The following GABRQ variants were observed in gnomAD, a reference collection of about 807,000 sequenced individuals.
GABRQ encodes gamma-aminobutyric acid type A receptor subunit theta.
Under a neutral mutation model 30.5 loss-of-function variants are expected in GABRQ, and 19 were observed. The ratio of observed to expected loss-of-function variants is 0.62; its 90% CI spans 0.43 to 0.91. GABRQ has a LOEUF of 0.91. GABRQ is among the 40% of genes least tolerant of loss of function. The probability of loss-of-function intolerance (pLI) is 0.00; values close to 1 mark genes in which losing one functional copy is unlikely to be tolerated. For missense variants in GABRQ, 520 were observed against 521.4 expected, an observed-to-expected ratio of 1.00 and a Z score of 0.03; for synonymous variants, 187 against 210.2, an observed-to-expected ratio of 0.89 and a Z score of 0.95.
chrX:152,650,507 T>C lies in GABRQ; in HGVS notation c.828T>C (p.Thr276=). 1 of 1,200,000 alleles carries C rather than the reference T, an allele frequency of 8.3e-7. No homozygotes were observed. Among genetic ancestry groups the C allele is most frequent in the South Asian group, 1.8e-5 (1 of 56,619 alleles). ...ACCTTGTGCAAGTCTACTGGCCTACTGTCCTCACCACTATTACCTCTTGGA... is the reference window on the plus strand; with the variant it reads ...ACCTTGTGCAAGTCTACTGGCCTACCGTCCTCACCACTATTACCTCTTGGA... ...NSYLVQVYWP[T]VLTTITSWIS... is the part of the protein sequence containing the mutation. The change falls in exon 7 of 9, where the codon ACT becomes ACC. Residue 276 remains threonine (T), a synonymous_variant. Transcript: ENST00000598523.
chrX:152,640,181 G>A (rs1454936134), intron 1 of GABRQ, among the ~76,000 whole-genome samples, 197 bp from the exon 2 acceptor site: 1 of 109,332 alleles, frequency 9.1e-6, no homozygotes, highest in East Asian at 2.9e-4. Flanking sequence ...GGGGGGGGGA[G>A]GAAAGAGGAG....
intron 2 of GABRQ, 34 bp from the exon 3 acceptor site, chrX:152,645,493 A>C: frequency 4.5e-6 from 4 of 895,270 alleles, no homozygotes; most frequent in Non-Finnish European, 6.6e-6. Flanking sequence ...CCTTTATTCT[A>C]CCTTTCGTGT....
At position 152,654,144 on chromosome X, in the gene GABRQ, T is replaced by C. The variant is rs994139974; in HGVS notation, c.*863T>C. On this transcript the variant is annotated 3_prime_UTR_variant, in exon 9 of 9. Transcript: ENST00000598523. ...CAATACATCTGTCTAAGTCAGGAGT[T>C]AGCTTTCCGTCAGTTGCTGAGTTGA... 4 of 112,439 alleles carry C rather than the reference T, an allele frequency of 3.6e-5. No homozygotes were observed. The highest frequency in any genetic ancestry group is 7.5e-5 in the Non-Finnish European group (4 of 53,277). 9.3% of individuals were successfully genotyped at this position (112,439 alleles called of 1,213,427 possible).
At position 152,653,203 on chromosome X, in the gene GABRQ, C is replaced by A. The variant is rs782447858; in HGVS notation, c.1821C>A (p.Val607=). Residue 607 remains valine (V), a synonymous_variant, in exon 9 of 9, where the codon GTC becomes GTA. Coordinates refer to ENST00000598523, the MANE Select transcript of GABRQ (RefSeq NM_018558.4). ...DLFNPDYVPK[V]DKWSRFLFPL... is the part of the protein sequence containing the mutation. ...TTAATCCTGACTACGTCCCAAAGGT[C>A]GACAAGTGGTCCCGGTTCCTCTTCC... 36 of 1,205,172 alleles carry A rather than the reference C, an allele frequency of 3.0e-5. No homozygotes were observed. In the South Asian group the frequency reaches 6.2e-4, roughly 21 times the overall value.
intron 2 of GABRQ, among the ~76,000 whole-genome samples, chrX:152,643,373 A>T (rs183200594): frequency 8.9e-6 from 1 of 112,317 alleles, no homozygotes; most frequent in African/African-American, 3.2e-5. Flanking sequence ...TTGGGCTTGG[A>T]ATAACACATT....
chrX:152,643,117 G>A (rs782423385), intron 2 of GABRQ, among the ~76,000 whole-genome samples: 6 of 112,189 alleles, frequency 5.3e-5, no homozygotes, highest in Non-Finnish European at 1.1e-4. Flanking sequence ...GTAGCTGGCT[G>A]GCCCCTCTGG....
At position 152,656,415 on chromosome X, in the gene GABRQ, C is replaced by T. The variant is rs782255066; in HGVS notation, c.*3134C>T. 8 of 111,866 alleles carry T rather than the reference C, an allele frequency of 7.2e-5. No individual in the cohort carries two copies. Among genetic ancestry groups the T allele is most frequent in the African/African-American group, 2.0e-4 (6 of 30,704 alleles). 9.2% of individuals were successfully genotyped at this position (111,866 alleles called of 1,213,427 possible). ...TTTCTTTCCTTCCCATCGACTTCCC[C>T]GACCCAGGATCCCTTCTTTGCCACT... On this transcript the variant is annotated 3_prime_UTR_variant, in exon 9 of 9. Transcript: ENST00000598523.
intron 7 of GABRQ, 132 bp from the exon 8 acceptor site, chrX:152,651,394 A>C: frequency 2.0e-6 from 1 of 495,317 alleles, no homozygotes; most frequent in Non-Finnish European, 3.5e-6. Flanking sequence ...ATGGGGGAAA[A>C]GGAATAAAGA....
In GABRQ at chrX:152,650,318, T is replaced by C. The variant is rs1930988630; in HGVS notation, c.749-110T>C. The stretch of plus-strand genomic sequence containing the variant: ...AAGCTGGATGCCTCTGGATGGAGTA[T>C]TACAAGCTGAACTTCCCATTGCTCT... On this transcript the variant is annotated intron_variant, in intron 6 of 8. Transcript: ENST00000598523. 1.2e-5 allele frequency: 8 copies of C among 651,458 alleles called. No individual in the cohort carries two copies. The Admixed American group carries it at 2.2e-4, about 18-fold the overall frequency. 53.7% of individuals were successfully genotyped at this position (651,458 alleles called of 1,213,427 possible). A position where few individuals can be genotyped will look rare whatever the true frequency, so the allele number is the denominator to read the frequency against.
chrX:152,638,748 A>G (rs1556817834), intron 1 of GABRQ, among the ~76,000 whole-genome samples: 1 of 111,809 alleles, frequency 8.9e-6, no homozygotes, highest in African/African-American at 3.3e-5. Context: ...GATGACGGGC[A>G]ATTCACAAAA....
rs1171266941 is a variant in GABRQ, at chrX:152,637,926, G to A, written c.-277G>A. Among the ~76,000 whole-genome samples the A allele has an allele frequency of 8.8e-6, 1 of 113,429 alleles. No individual in the cohort carries two copies. Among genetic ancestry groups the A allele is most frequent in the Non-Finnish European group, 1.9e-5 (1 of 53,366 alleles). On this transcript the variant is annotated 5_prime_UTR_variant, in exon 1 of 9. Transcript: ENST00000598523. ...AGCCAGGAGCGGCCGCAGACGGAGC[G>A]CACCTCGCAGCTGCCGGGCGGGCCC...
intron 2 of GABRQ, among the ~76,000 whole-genome samples, chrX:152,644,267 CACAT>C (rs1930831926): frequency 1.8e-5 from 2 of 112,342 alleles, no homozygotes; most frequent in Admixed American, 1.9e-4. Flanking sequence ...CACATGCTCA[CACAT>C]ACACACATAA....
Position 152,652,848 on chromosome X carries a change from A to G in GABRQ, c.1466A>G (p.His489Arg). ...GAAATCCGCAACCGTGTCGAAGCCC[A>G]TGGCCATGGTGTTACCCATGACCAT... ...PTEIRNRVEAHGHGVTHDHED... is the reference protein window; with the variant it reads ...PTEIRNRVEARGHGVTHDHED... The change falls in exon 9 of 9, where the codon CAT becomes CGT. Residue 489 changes from histidine to arginine, a missense_variant. Transcript: ENST00000598523. The G allele has an allele frequency of 8.3e-7, 1 of 1,210,768 alleles. No homozygotes were observed. Among genetic ancestry groups the G allele is most frequent in the Non-Finnish European group, 1.1e-6 (1 of 894,199 alleles).
rs1466984927 is a variant in GABRQ, at chrX:152,656,055, G to A, written c.*2774G>A. The A allele has an allele frequency of 8.9e-6, 1 of 112,090 alleles. No homozygotes were observed. The highest frequency in any genetic ancestry group is 1.9e-5 in the Non-Finnish European group (1 of 53,219). The allele number at this position is 112,090 out of a possible 1,213,427, so 9.2% of individuals were successfully genotyped here. On this transcript the variant is annotated 3_prime_UTR_variant, in exon 9 of 9. Transcript: ENST00000598523. ...TACTCTGTAGGTTAAGTGTCAAAATGAGGTGGAGATTTGGCAGTGACACCC... is the reference window on the plus strand; with the variant it reads ...TACTCTGTAGGTTAAGTGTCAAAATAAGGTGGAGATTTGGCAGTGACACCC...
In GABRQ at chrX:152,653,158, A is replaced by C. The variant is rs782084953; in HGVS notation, c.1776A>C (p.Glu592Asp). ...CPPSPGCSFT[E>D]GFSFDLFNPD... is the part of the protein sequence containing the mutation. Reference sequence around the variant, plus strand: ...CAAGCCCTGGGTGCTCCTTCACTGAAGGGTTCTCCTTCGATCTCTTTAATC... The same window carrying C: ...CAAGCCCTGGGTGCTCCTTCACTGACGGGTTCTCCTTCGATCTCTTTAATC... The change falls in exon 9 of 9, where the codon GAA becomes GAC. Residue 592 changes from glutamate to aspartate, a missense_variant. By Grantham distance (45) the Glu-to-Asp change is conservative. Coordinates refer to ENST00000598523, the MANE Select transcript of GABRQ (RefSeq NM_018558.4). The C allele has an allele frequency of 8.3e-7, 1 of 1,209,560 alleles. No homozygotes were observed. Among genetic ancestry groups the C allele is most frequent in the Non-Finnish European group, 1.1e-6 (1 of 894,524 alleles).
At chrX:152,638,492 C>G (rs782271828) in intron 1 of GABRQ, 141 bp downstream of exon 1, 26 of 541,287 alleles carry the variant, frequency 4.8e-5, no homozygotes, top group Non-Finnish European at 5.9e-5. Flanking sequence ...CCCTGGCGCC[C>G]GGGCCCTGCC....
chrX:152,658,845 C>T (rs1202603785), downstream of GABRQ, among the ~76,000 whole-genome samples: 2 of 111,675 alleles, frequency 1.8e-5, no homozygotes, highest in African/African-American at 6.5e-5. Flanking sequence ...ATGGGCCAGG[C>T]CTCGAGAAAT....
chrX:152,639,371 C>G (rs948585256), intron 1 of GABRQ, among the ~76,000 whole-genome samples: 2 of 101,132 alleles, frequency 2.0e-5, no homozygotes, highest in Non-Finnish European at 4.0e-5. Flanking sequence ...TGCACACATG[C>G]GCGTGCGCAC....
At position 152,656,398 on chromosome X, in the gene GABRQ, C is replaced by T. The variant is rs1931150895; in HGVS notation, c.*3117C>T. ...CTTCTACCCACCTTCCATTTCTTTC[C>T]TTCCCATCGACTTCCCCGACCCAGG... On this transcript the variant is annotated 3_prime_UTR_variant, in exon 9 of 9. Transcript: ENST00000598523. The T allele has an allele frequency of 8.9e-6, 1 of 111,833 alleles. No individual in the cohort carries two copies. Among genetic ancestry groups the T allele is most frequent in the Non-Finnish European group, 1.9e-5 (1 of 53,138 alleles). 9.2% of individuals were successfully genotyped at this position (111,833 alleles called of 1,213,427 possible).
Sources: allele counts gnomAD v4.1 joint callset (sites outside exome capture counted in the v4.1 genomes callset), GRCh38; gene constraint gnomAD v4.1.1; transcripts MANE v1.5; gene names NCBI Gene and HGNC (gene_info 2026-07-23, HGNC 2026-07-21).